ANKRD30A: variants seen among roughly 807,000 people sequenced by gnomAD.
The protein encoded by ANKRD30A is ankyrin repeat domain-containing protein 30A.
Under a neutral mutation model 166.3 loss-of-function variants are expected in ANKRD30A, and 170 were observed. The ratio of observed to expected loss-of-function variants is 1.02; its 90% CI spans 0.90 to 1.16. The LOEUF (loss-of-function observed/expected upper bound fraction) is 1.16. Among genes scored for constraint, ANKRD30A ranks in the 50% most tolerant of loss-of-function variants. The pLI is 0.00. For missense variants in ANKRD30A, 1,630 were observed against 1,518.0 expected (o/e 1.07, Z -1.23); for synonymous variants, 564 against 508.9 (o/e 1.11, Z -1.46).
the ANKRD30A span, among the ~76,000 whole-genome samples, chr10:37,243,786 G>A: frequency 6.6e-6 from 1 of 151,940 alleles, no homozygotes; most frequent in Admixed American, 6.6e-5. Context: ...AAATCAATGT[G>A]TGCTTTATAT....
intron 15 of ANKRD30A, among the ~76,000 whole-genome samples, chr10:37,162,412 C>A (rs1838984235): frequency 1.3e-5 from 2 of 152,160 alleles, no homozygotes; most frequent in African/African-American, 4.8e-5. Flanking sequence ...ACACATGAAA[C>A]ACAATCTCGC....
At chr10:37,245,510 A>G in the ANKRD30A span, among the ~76,000 whole-genome samples, 1 of 152,116 alleles carries the variant, frequency 6.6e-6, no homozygotes, top group Non-Finnish European at 1.5e-5. Flanking sequence ...GGAAAACAAT[A>G]TATTTCAATC....
intron 14 of ANKRD30A, 24 bp downstream of exon 14, chr10:37,158,444 T>C: frequency 1.9e-6 from 3 of 1,612,704 alleles, no homozygotes; most frequent in Non-Finnish European, 2.5e-6. Context: ...TATTTTTGTC[T>C]TGAGTATCAA....
intron 34 of ANKRD30A, among the ~76,000 whole-genome samples, chr10:37,223,258 G>A (rs1842975660): frequency 6.6e-6 from 1 of 150,638 alleles, no homozygotes; most frequent in African/African-American, 2.4e-5. Context: ...AGAATATTGA[G>A]AATGAGAAAC....
chr10:37,221,935 T>C (rs1406676044), intron 34 of ANKRD30A, among the ~76,000 whole-genome samples: 1 of 151,390 alleles, frequency 6.6e-6, no homozygotes, highest in Non-Finnish European at 1.5e-5. Flanking sequence ...ATATACACAG[T>C]ATTAGAATAG....
chr10:37,195,122 G>GAGAT (rs1296315705), intron 27 of ANKRD30A, among the ~76,000 whole-genome samples: 3 of 152,138 alleles, frequency 2.0e-5, no homozygotes, highest in African/African-American at 7.2e-5. Context: ...TTGAACTTCA[G>GAGAT]AGATGCTCAG....
chr10:37,125,747 G>C lies in ANKRD30A; in HGVS notation c.-41G>C, dbSNP rs1228934327. On this transcript the variant is annotated 5_prime_UTR_variant, in exon 1 of 36. Coordinates refer to ENST00000361713, the MANE Select transcript of ANKRD30A (RefSeq NM_052997.3). ...GTGGGGGGTGGTGGCTGGGAAGGGC[G>C]ATCGGGAGGCGCGGGCACTCTCTAG... 4 of 577,398 alleles carry C rather than the reference G, an allele frequency of 6.9e-6. No individual in the cohort carries two copies. Among genetic ancestry groups the C allele is most frequent in the East Asian group, 2.9e-5 (1 of 34,466 alleles). 35.8% of individuals were successfully genotyped at this position (577,398 alleles called of 1,614,324 possible).
At chr10:37,220,004 TATATA>T (rs1842817237) in intron 34 of ANKRD30A, 107 bp downstream of exon 34, 1 of 155,058 alleles carries the variant, frequency 6.4e-6, no homozygotes, top group Non-Finnish European at 1.3e-5. Context: ...TATATATATA[TATATA>T]TATATATATA....
At position 37,199,805 on chromosome 10, in the gene ANKRD30A, A is replaced by G; in HGVS notation, c.2778+17A>G. The G allele has an allele frequency of 6.9e-7, 1 of 1,450,164 alleles. No individual in the cohort carries two copies. The highest frequency in any genetic ancestry group is 9.5e-7 in the Non-Finnish European group (1 of 1,050,470). 89.8% of individuals were successfully genotyped at this position (1,450,164 alleles called of 1,614,324 possible). A position where few individuals can be genotyped will look rare whatever the true frequency, so the allele number is the denominator to read the frequency against. On this transcript the variant is annotated intron_variant, in intron 30 of 35. Transcript: ENST00000361713. The stretch of plus-strand genomic sequence containing the variant: ...GATTCTGAGGTACTATGTGTTATTG[A>G]TTTTTTTAAATATTAGTATTGCATG...
intron 13 of ANKRD30A, 111 bp downstream of exon 13, chr10:37,153,773 G>T: frequency 7.1e-7 from 1 of 1,417,200 alleles, no homozygotes; most frequent in East Asian, 2.4e-5. Context: ...GCAAACCATG[G>T]AAAAAAAGAG....
intron 25 of ANKRD30A, among the ~76,000 whole-genome samples, chr10:37,192,543 C>T (rs1436036625): frequency 6.6e-6 from 1 of 152,044 alleles, no homozygotes. Flanking sequence ...ATGATAAGTA[C>T]ATTTGTACCT....
At chr10:37,183,234 C>A (rs1295069470) in intron 24 of ANKRD30A, among the ~76,000 whole-genome samples, 8 of 148,294 alleles carry the variant, frequency 5.4e-5, no homozygotes, top group African/African-American at 2.0e-4. Context: ...TACTCATTAA[C>A]CATGAAAATT....
intron 31 of ANKRD30A, 147 bp from the exon 32 acceptor site, chr10:37,216,034 T>A (rs1842587190): frequency 2.4e-6 from 1 of 417,734 alleles, no homozygotes; most frequent in African/African-American, 2.1e-5. Flanking sequence ...TTTTTTTCTG[T>A]TTAATCTGCA....
Position 37,136,623 on chromosome 10 carries a change from A to C in ANKRD30A, c.772A>C (p.Met258Leu). The C allele has an allele frequency of 7.2e-7, 1 of 1,395,368 alleles. No individual in the cohort carries two copies. Among genetic ancestry groups the C allele is most frequent in the Non-Finnish European group, 9.9e-7 (1 of 1,013,390 alleles). The allele number at this position is 1,395,368 out of a possible 1,614,324, so 86.4% of individuals were successfully genotyped here. Residue 258 changes from methionine (M) to leucine (L), a missense_variant, in exon 6 of 36, where the codon ATG becomes CTG. Coordinates refer to ENST00000361713, the MANE Select transcript of ANKRD30A (RefSeq NM_052997.3). ...TATACATAGCATTCATGAACAAATT[A>C]TGGAATATATACGAAAATTATCTAA... ...CGFHHIHEQIMEYIRKLSKNH... is the reference protein window; with the variant it reads ...CGFHHIHEQILEYIRKLSKNH...
the ANKRD30A span, chr10:37,262,384 G>A: frequency 6.5e-6 from 1 of 153,456 alleles, no homozygotes; most frequent in African/African-American, 2.4e-5. Flanking sequence ...AGCTGCCTTG[G>A]AGAAAGCAGA....
intron 34 of ANKRD30A, among the ~76,000 whole-genome samples, chr10:37,228,894 A>G (rs147586858): frequency 8.4e-4 from 128 of 152,114 alleles, no homozygotes; most frequent in African/African-American, 3.0e-3. Context: ...ACAATTGCCC[A>G]CAATTTAGTG....
At chr10:37,160,584 C>T (rs1057275976) in intron 15 of ANKRD30A, among the ~76,000 whole-genome samples, 1 of 152,016 alleles carries the variant, frequency 6.6e-6, no homozygotes, top group African/African-American at 2.4e-5. Flanking sequence ...TGAAGTTGCA[C>T]CTCTGAGTCT....
intron 25 of ANKRD30A, among the ~76,000 whole-genome samples, chr10:37,190,099 G>A (rs1048494360): frequency 7.2e-5 from 11 of 151,978 alleles, no homozygotes; most frequent in African/African-American, 2.2e-4. Flanking sequence ...TGTTCTATTT[G>A]CAATAGGTGA....
intron 17 of ANKRD30A, among the ~76,000 whole-genome samples, 180 bp from the exon 18 acceptor site, chr10:37,164,913 GT>G (rs959504652): frequency 1.3e-5 from 2 of 152,046 alleles, no homozygotes; most frequent in Admixed American, 6.6e-5. Context: ...AATTGTCAGA[GT>G]TTTTAGATTT....
Sources: allele counts gnomAD v4.1 joint callset (sites outside exome capture counted in the v4.1 genomes callset), GRCh38; gene constraint gnomAD v4.1.1; transcripts MANE v1.5; gene names NCBI Gene and HGNC (gene_info 2026-07-23, HGNC 2026-07-21).